Variants in SLC44A5 observed in about 807,000 individuals in gnomAD.
SLC44A5 encodes choline transporter-like protein 5.
In SLC44A5, 57 loss-of-function variants were observed where a neutral mutation model predicts 101.8. The observed-to-expected ratio is 0.56, with a 90% CI of 0.45 to 0.70. The LOEUF (loss-of-function observed/expected upper bound fraction) is 0.70, where lower values mean the gene tolerates loss of function less well. Among genes scored for constraint, SLC44A5 ranks in the 30% least tolerant of loss-of-function variants. SLC44A5 has a pLI of 0.00. For missense variants in SLC44A5, 737 were observed against 853.1 expected, an observed-to-expected ratio of 0.86 and a Z score of 1.70; for synonymous variants, 281 against 290.9, an observed-to-expected ratio of 0.97 and a Z score of 0.35.
chr1:75,613,522 TA>T (rs1675744798), upstream of SLC44A5, among the ~76,000 whole-genome samples: 1 of 152,242 alleles, frequency 6.6e-6, no homozygotes, highest in Admixed American at 6.5e-5. Flanking sequence ...GATTTGTTTT[TA>T]AAGGTGTCCT....
the SLC44A5 span, among the ~76,000 whole-genome samples, chr1:75,651,533 A>G: frequency 6.6e-6 from 1 of 151,596 alleles, no homozygotes; most frequent in South Asian, 2.1e-4. Flanking sequence ...CCTCTCTACT[A>G]AAAAATACAA....
At chr1:75,219,603 A>G (rs1421944449) in intron 15 of SLC44A5, among the ~76,000 whole-genome samples, 197 bp downstream of exon 15, 2 of 152,188 alleles carry the variant, frequency 1.3e-5, no homozygotes, top group African/African-American at 2.4e-5. Flanking sequence ...AGACAAAATA[A>G]AACAAATCTA....
upstream of SLC44A5, among the ~76,000 whole-genome samples, chr1:75,614,657 A>G (rs1421701210): frequency 2.0e-5 from 3 of 152,236 alleles, no homozygotes; most frequent in East Asian, 1.9e-4. Flanking sequence ...ATTCAGTAAT[A>G]CCCTTCACCC....
chr1:75,581,981 A>T (rs1673721778), intron 1 of SLC44A5: 2 of 442,682 alleles, frequency 4.5e-6, no homozygotes, highest in Admixed American at 6.9e-5. Flanking sequence ...AAAATTACCC[A>T]GCCTCGGGTG....
intron 2 of SLC44A5, among the ~76,000 whole-genome samples, chr1:75,403,382 C>A (rs538288900): frequency 1.3e-5 from 2 of 152,184 alleles, no homozygotes; most frequent in East Asian, 1.9e-4. Flanking sequence ...GGGCCCCTGA[C>A]CCCTGTGCCT....
the SLC44A5 span, among the ~76,000 whole-genome samples, chr1:75,705,235 G>C: frequency 2.0e-5 from 3 of 152,148 alleles, no homozygotes; most frequent in Admixed American, 6.5e-5. Context: ...CCAATCATAA[G>C]AGTGATCAAC....
the SLC44A5 span, among the ~76,000 whole-genome samples, chr1:75,630,589 T>C: frequency 6.9e-6 from 1 of 144,878 alleles, no homozygotes; most frequent in Non-Finnish European, 1.6e-5. Context: ...TTCTGCCTTT[T>C]TTCACTATTA....
At chr1:75,627,052 C>T in the SLC44A5 span, among the ~76,000 whole-genome samples, 7 of 152,234 alleles carry the variant, frequency 4.6e-5, no homozygotes, top group Admixed American at 1.3e-4. Context: ...TTTTTCACTT[C>T]CCATCTCCAT....
chr1:75,671,128 T>C, the SLC44A5 span, among the ~76,000 whole-genome samples: 1 of 152,112 alleles, frequency 6.6e-6, no homozygotes, highest in Admixed American at 6.5e-5. Flanking sequence ...GAGTGGTTTG[T>C]TTGAATAACT....
chr1:75,513,019 T>C (rs571424584), intron 2 of SLC44A5, among the ~76,000 whole-genome samples: 2 of 152,290 alleles, frequency 1.3e-5, no homozygotes, highest in East Asian at 3.9e-4. Flanking sequence ...ATGATACTGT[T>C]AGGTTCATTT....
At chr1:75,681,181 G>C in the SLC44A5 span, among the ~76,000 whole-genome samples, 1 of 152,122 alleles carries the variant, frequency 6.6e-6, no homozygotes, top group African/African-American at 2.4e-5. Flanking sequence ...TCTACCAGAG[G>C]TACAAGGAGG....
chr1:75,593,087 A>G (rs1674440496), intron 1 of SLC44A5, among the ~76,000 whole-genome samples: 1 of 152,104 alleles, frequency 6.6e-6, no homozygotes, highest in African/African-American at 2.4e-5. Context: ...TTTGCAAGCT[A>G]CCCCTCTGAC....
chr1:75,381,031 G>A lies in SLC44A5; in HGVS notation c.52+15552C>T, dbSNP rs1288672470. Among the ~76,000 whole-genome samples the A allele has an allele frequency of 1.4e-4, 11 of 81,322 alleles. 5 individuals are homozygous for A. Among genetic ancestry groups the A allele is most frequent in the African/African-American group, 3.2e-4 (4 of 12,310 alleles). 53.4% of individuals were successfully genotyped at this position (81,322 alleles called of 152,430 possible). A position where few individuals can be genotyped will look rare whatever the true frequency, so the allele number is the denominator to read the frequency against. On this transcript the variant is annotated intron_variant, in intron 3 of 23. Transcript: ENST00000370859. ...TAGATTCACTTATCACATGGTAAGC[G>A]GGATGTCACTCAGGCCACGGGTAAA...
the SLC44A5 span, among the ~76,000 whole-genome samples, chr1:75,619,283 G>A: frequency 1.3e-5 from 2 of 151,842 alleles, no homozygotes; most frequent in Non-Finnish European, 2.9e-5. Context: ...AAGAAAAGGT[G>A]CTGTAAAAAT....
In SLC44A5 at chr1:75,203,505, G is replaced by C; in HGVS notation, c.*222C>G. 2.7e-6 allele frequency: 1 copy of C among 368,620 alleles called. No individual in the cohort carries two copies. The highest frequency in any genetic ancestry group is 4.8e-6 in the Non-Finnish European group (1 of 209,028). The allele number at this position is 368,620 out of a possible 1,614,324, so 22.8% of individuals were successfully genotyped here. A position where few individuals can be genotyped will look rare whatever the true frequency, so the allele number is the denominator to read the frequency against. ...TTTAAAAACGAATTACAAAACAAAT[G>C]ATCTTAGTATAAAAATGTTTTATGT... On this transcript the variant is annotated 3_prime_UTR_variant, in exon 24 of 24. Transcript: ENST00000370859.
intron 2 of SLC44A5, among the ~76,000 whole-genome samples, chr1:75,474,977 G>T (rs1267346897): frequency 6.6e-6 from 1 of 152,216 alleles, no homozygotes; most frequent in East Asian, 1.9e-4. Flanking sequence ...CAATTCAACT[G>T]CCTGAATGAA....
chr1:75,296,404 A>G (rs1415510333), intron 5 of SLC44A5, among the ~76,000 whole-genome samples: 1 of 150,456 alleles, frequency 6.6e-6, no homozygotes, highest in East Asian at 1.9e-4. Context: ...AAATGTAAAT[A>G]CACTTATCTT....
chr1:75,256,609 T>G (rs1203009752), intron 6 of SLC44A5, among the ~76,000 whole-genome samples: 1 of 152,184 alleles, frequency 6.6e-6, no homozygotes, highest in Non-Finnish European at 1.5e-5. Flanking sequence ...CATGCAAGAT[T>G]CTGTTGAAGT....
chr1:75,590,086 C>G (rs909624571), intron 1 of SLC44A5, among the ~76,000 whole-genome samples: 6 of 152,044 alleles, frequency 3.9e-5, no homozygotes, highest in Admixed American at 3.3e-4. Flanking sequence ...GAGACACCAG[C>G]TGGGGTAACC....
Sources: allele counts gnomAD v4.1 joint callset (sites outside exome capture counted in the v4.1 genomes callset), GRCh38; gene constraint gnomAD v4.1.1; transcripts MANE v1.5; gene names NCBI Gene and HGNC (gene_info 2026-07-23, HGNC 2026-07-21).